The following KCTD8 variants were observed in gnomAD, a reference collection of about 807,000 sequenced individuals.
The protein encoded by KCTD8 is BTB/POZ domain-containing protein KCTD8.
In KCTD8, 27 loss-of-function variants were observed where a neutral mutation model predicts 31.5. The observed-to-expected ratio is 0.86, with a 90% CI of 0.63 to 1.18. KCTD8 has a LOEUF of 1.18. KCTD8 is among the 50% of genes most tolerant of loss of function. The probability of loss-of-function intolerance (pLI) is 0.00; values close to 1 mark genes in which losing one functional copy is unlikely to be tolerated. For missense variants in KCTD8, 658 were observed against 647.7 expected (o/e 1.02, Z -0.17); for synonymous variants, 290 against 280.0 (o/e 1.04, Z -0.36).
At chr4:44,230,099 C>G (rs1265132321) in intron 1 of KCTD8, among the ~76,000 whole-genome samples, 2 of 152,118 alleles carry the variant, frequency 1.3e-5, no homozygotes, top group Non-Finnish European at 2.9e-5. Flanking sequence ...TGGCTTATGC[C>G]CCTCAGTCAA....
intron 1 of KCTD8, among the ~76,000 whole-genome samples, chr4:44,189,535 T>C (rs1713697313): frequency 6.6e-6 from 1 of 151,744 alleles, no homozygotes; most frequent in African/African-American, 2.4e-5. Context: ...ATTATTGGAA[T>C]AACGAGGTTA....
chr4:44,444,803 G>GA (rs1416410165), intron 1 of KCTD8, among the ~76,000 whole-genome samples: 1 of 145,010 alleles, frequency 6.9e-6, no homozygotes, highest in Non-Finnish European at 1.5e-5. Flanking sequence ...CGGGGGTTGG[G>GA]GGGGAATAAC....
At chr4:44,179,940 G>A (rs1280161075) in intron 1 of KCTD8, among the ~76,000 whole-genome samples, 1 of 152,096 alleles carries the variant, frequency 6.6e-6, no homozygotes, top group African/African-American at 2.4e-5. Flanking sequence ...CCCGCTAATT[G>A]CAGGCTTCCA....
At chr4:44,355,351 T>C (rs1203225475) in intron 1 of KCTD8, among the ~76,000 whole-genome samples, 1 of 152,138 alleles carries the variant, frequency 6.6e-6, no homozygotes, top group Non-Finnish European at 1.5e-5. Flanking sequence ...CAGGAGTTAG[T>C]GAGATCAATT....
chr4:44,263,001 A>G (rs1716227914), intron 1 of KCTD8, among the ~76,000 whole-genome samples: 1 of 152,186 alleles, frequency 6.6e-6, no homozygotes, highest in South Asian at 2.1e-4. Context: ...ATAGAAGATC[A>G]GCTTAGGGCA....
intron 1 of KCTD8, among the ~76,000 whole-genome samples, chr4:44,344,959 C>T (rs1034353191): frequency 2.0e-5 from 3 of 152,072 alleles, no homozygotes; most frequent in Admixed American, 1.3e-4. Flanking sequence ...AACTTTAGCT[C>T]TCATTTTTCT....
chr4:44,448,048 T>A lies in KCTD8; in HGVS notation c.476A>T (p.Glu159Val). The change falls in exon 1 of 2, where the codon GAG (glutamate) becomes GTG (valine). Residue 159 changes from glutamate to valine, a missense_variant. Coordinates refer to ENST00000360029, the MANE Select transcript of KCTD8 (RefSeq NM_198353.3). The surrounding 1 kb of genome is among the most constrained non-coding windows in gnomAD (Gnocchi z 4.1). Reference protein sequence around the residue: ...KVTKQNSLNDEGCQSDLEDNV... With the variant: ...KVTKQNSLNDVGCQSDLEDNV... ...GTCCTCCAGGTCGCTCTGGCAGCCC[T>A]CGTCGTTGAGAGAGTTCTGCTTGGT... is the stretch of plus-strand genomic sequence containing the variant. 1 of 1,611,438 alleles carries A rather than the reference T, an allele frequency of 6.2e-7. No individual in the cohort carries two copies. Among genetic ancestry groups the A allele is most frequent in the South Asian group, 1.1e-5 (1 of 90,744 alleles).
intron 1 of KCTD8, among the ~76,000 whole-genome samples, chr4:44,444,331 G>A (rs1334230562): frequency 6.6e-6 from 1 of 152,150 alleles, no homozygotes; most frequent in Non-Finnish European, 1.5e-5. Flanking sequence ...GCAACCTTTG[G>A]TGACTTGGCC....
At chr4:44,285,952 G>T (rs1265693463) in intron 1 of KCTD8, among the ~76,000 whole-genome samples, 1 of 151,964 alleles carries the variant, frequency 6.6e-6, no homozygotes, top group African/African-American at 2.4e-5. Context: ...AATATTAAAA[G>T]ATTAAATAAA....
intron 1 of KCTD8, among the ~76,000 whole-genome samples, chr4:44,342,180 G>A (rs1718919178): frequency 6.6e-6 from 1 of 152,018 alleles, no homozygotes; most frequent in Non-Finnish European, 1.5e-5. Context: ...GACCATCCTG[G>A]CTAACACGGT....
intron 1 of KCTD8, among the ~76,000 whole-genome samples, chr4:44,234,429 G>A (rs1715213733): frequency 6.6e-6 from 1 of 152,166 alleles, no homozygotes. Flanking sequence ...CAGTCCCATA[G>A]GTGTTCATTG....
At chr4:44,239,826 CTTTTGAT>C (rs1715398017) in intron 1 of KCTD8, among the ~76,000 whole-genome samples, 1 of 152,172 alleles carries the variant, frequency 6.6e-6, no homozygotes, top group South Asian at 2.1e-4. Flanking sequence ...GTGCCCAGTT[CTTTTGAT>C]TAGCTTGTAA....
At chr4:44,315,406 C>A (rs1718077498) in intron 1 of KCTD8, among the ~76,000 whole-genome samples, 1 of 151,992 alleles carries the variant, frequency 6.6e-6, no homozygotes, top group Non-Finnish European at 1.5e-5. Flanking sequence ...AACCACAGTG[C>A]ATAATTTAAC....
In KCTD8 at chr4:44,314,916, C is replaced by T. The variant is rs182515573; in HGVS notation, c.961+132647G>A. The stretch of plus-strand genomic sequence containing the variant: ...GGAAAAAAAAAAAACTTATACTCCT[C>T]CTCCTCTACCTCAGAGTCAACCAGT... On this transcript the variant is annotated intron_variant, in intron 1 of 1. Coordinates refer to ENST00000360029, the MANE Select transcript of KCTD8 (RefSeq NM_198353.3). 8.6e-5 allele frequency among the ~76,000 whole-genome samples: 13 copies of T among 150,566 alleles called. No homozygotes were observed. The East Asian group carries it at 1.9e-3, about 22-fold the overall frequency.
rs138024259 is a variant in KCTD8 at position 44,282,240 on chromosome 4, G to T, written c.962-106990C>A. Among the ~76,000 whole-genome samples the T allele has an allele frequency of 2.1e-3, 325 of 152,066 alleles. 7 individuals are homozygous for T. In the East Asian group the frequency reaches 0.047, roughly 22 times the overall value. On this transcript the variant is annotated intron_variant, in intron 1 of 1. Coordinates refer to ENST00000360029, the MANE Select transcript of KCTD8 (RefSeq NM_198353.3). ...CTCACTTTGTGTCTCTGTGTCACATGTTCGTCATTCTCACATTATTCCAAA... is the reference window on the plus strand; with the variant it reads ...CTCACTTTGTGTCTCTGTGTCACATTTTCGTCATTCTCACATTATTCCAAA...
At chr4:44,221,026 C>T (rs1245639069) in intron 1 of KCTD8, among the ~76,000 whole-genome samples, 1 of 152,126 alleles carries the variant, frequency 6.6e-6, no homozygotes, top group Admixed American at 6.5e-5. Flanking sequence ...GTCGTCATCA[C>T]TGCTGAATGC....
chr4:44,401,754 C>T (rs1344767184), intron 1 of KCTD8, among the ~76,000 whole-genome samples: 3 of 152,114 alleles, frequency 2.0e-5, no homozygotes, highest in African/African-American at 4.8e-5. Flanking sequence ...CTTAAACAAA[C>T]GGCAGCAGCT....
chr4:44,245,783 C>T (rs1715647093), intron 1 of KCTD8, among the ~76,000 whole-genome samples: 1 of 151,862 alleles, frequency 6.6e-6, no homozygotes. Context: ...GCAGAAAAAG[C>T]AGCTAACTCT....
intron 1 of KCTD8, among the ~76,000 whole-genome samples, chr4:44,227,026 A>G (rs555242609): frequency 1.3e-5 from 2 of 152,288 alleles, no homozygotes; most frequent in African/African-American, 4.8e-5. Context: ...TTTGCTGTGC[A>G]GAAGCTCTTT....
Sources: gnomAD v4.1 joint callset for allele counts (sites outside exome capture counted in the v4.1 genomes callset) on GRCh38, gnomAD v4.1.1 for gene constraint, Gnocchi (gnomAD v3.1) non-coding constraint, MANE v1.5 for transcripts, NCBI Gene and HGNC (gene_info 2026-07-23, HGNC 2026-07-21) for gene names.